MMP26: variants seen among roughly 807,000 people sequenced by gnomAD.
The protein encoded by MMP26 is matrix metalloproteinase-26.
MMP26 carries 33 observed loss-of-function variants against 31.0 expected under a neutral mutation model. The ratio of observed to expected loss-of-function variants is 1.06; its 90% CI spans 0.81 to 1.42. The LOEUF is 1.42. MMP26 is among the 40% of genes most tolerant of loss of function. MMP26 has a pLI of 0.00. For synonymous variants in MMP26, 122 were observed against 114.9 expected, an observed-to-expected ratio of 1.06 and a Z score of -0.40; for missense variants, 347 against 316.1, an observed-to-expected ratio of 1.10 and a Z score of -0.74.
At chr11:4,798,328 C>CT (rs754506501) in intron 2 of MMP26, among the ~76,000 whole-genome samples, 17 of 152,188 alleles carry the variant, frequency 1.1e-4, no homozygotes, top group Non-Finnish European at 2.1e-4. Flanking sequence ...CAGACCAAGA[C>CT]TAAACTTCAA....
chr11:4,927,892 G>A (rs896968880), intron 2 of MMP26, among the ~76,000 whole-genome samples: 1 of 152,076 alleles, frequency 6.6e-6, no homozygotes, highest in Non-Finnish European at 1.5e-5. Flanking sequence ...GGTGTTAAGA[G>A]GGGAATCTAT....
intron 2 of MMP26, among the ~76,000 whole-genome samples, chr11:4,775,927 T>A (rs1490085354): frequency 2.6e-5 from 4 of 152,082 alleles, no homozygotes; most frequent in Admixed American, 6.5e-5. Context: ...TTAAGTAATT[T>A]ATTATTATTC....
chr11:4,758,910 G>A (rs891224950), intron 1 of MMP26, among the ~76,000 whole-genome samples: 6 of 151,820 alleles, frequency 4.0e-5, no homozygotes, highest in South Asian at 2.1e-4. Context: ...TCACGAGTTC[G>A]AGACCAGCCT....
At position 4,992,206 on chromosome 11, in the gene MMP26, T is replaced by C; in HGVS notation, c.758-8T>C. On this transcript the variant is annotated splice_polypyrimidine_tract_variant and splice_region_variant and intron_variant, in intron 7 of 7. Coordinates refer to ENST00000380390, the MANE Select transcript of MMP26 (RefSeq NM_021801.5). ...ATTTACTGTTGTTTTTTTTTTCTGT[T>C]TCCATAGGAGAAAAATGTTCATCTG... 1 of 1,610,632 alleles carries C rather than the reference T, an allele frequency of 6.2e-7. No individual in the cohort carries two copies. The highest frequency in any genetic ancestry group is 1.1e-5 in the South Asian group (1 of 90,468).
At chr11:4,897,283 A>G (rs1429643792) in intron 2 of MMP26, among the ~76,000 whole-genome samples, 1 of 151,854 alleles carries the variant, frequency 6.6e-6, no homozygotes, top group Non-Finnish European at 1.5e-5. Flanking sequence ...GGGATTACAG[A>G]CACATGCCAC....
intron 2 of MMP26, chr11:4,804,015 G>A (rs1330396151): frequency 5.0e-6 from 8 of 1,613,882 alleles, no homozygotes; most frequent in South Asian, 3.3e-5. Flanking sequence ...AGCAGTCCAG[G>A]GCCATAGCCA....
chr11:4,783,545 C>T (rs66751800), intron 2 of MMP26, among the ~76,000 whole-genome samples: 14,430 of 152,058 alleles, frequency 0.095, 858 homozygotes, highest in Middle Eastern at 0.15. Context: ...TGAGTTGATG[C>T]TGAAATGAGC....
intron 1 of MMP26, among the ~76,000 whole-genome samples, chr11:4,724,619 AAAGAT>A (rs1848071119): frequency 6.6e-6 from 1 of 152,236 alleles, no homozygotes; most frequent in African/African-American, 2.4e-5. Flanking sequence ...TATAAAATCT[AAAGAT>A]AAGGTTGCTA....
chr11:4,946,401 C>G, intron 2 of MMP26: 1 of 1,613,354 alleles, frequency 6.2e-7, no homozygotes, highest in Non-Finnish European at 8.5e-7. Context: ...TTAAGCTGCT[C>G]CTTTTTGGAT....
intron 2 of MMP26, chr11:4,946,622 G>A (rs779307143): frequency 7.0e-6 from 11 of 1,572,772 alleles, no homozygotes; most frequent in East Asian, 2.2e-5. Context: ...GAAAGGGAAG[G>A]GAAGAACCAG....
At chr11:4,884,175 A>G (rs200691824) in intron 2 of MMP26, among the ~76,000 whole-genome samples, 9 of 152,134 alleles carry the variant, frequency 5.9e-5, no homozygotes, top group Non-Finnish European at 1.2e-4. Flanking sequence ...TACTCAGGTA[A>G]TTGAGATTAC....
At chr11:4,801,160 GTCT>G (rs1195145700) in intron 2 of MMP26, among the ~76,000 whole-genome samples, 6 of 152,108 alleles carry the variant, frequency 3.9e-5, no homozygotes, top group Non-Finnish European at 8.8e-5. Flanking sequence ...TTGTCTTCCT[GTCT>G]TCTTCTGAGT....
intron 2 of MMP26, among the ~76,000 whole-genome samples, chr11:4,786,197 G>A (rs1471300060): frequency 6.6e-6 from 1 of 152,128 alleles, no homozygotes; most frequent in East Asian, 1.9e-4. Flanking sequence ...GGGAAGAGGA[G>A]AGCTGAGACT....
intron 1 of MMP26, among the ~76,000 whole-genome samples, chr11:4,765,623 C>A (rs1848619062): frequency 6.6e-6 from 1 of 152,178 alleles, no homozygotes; most frequent in South Asian, 2.1e-4. Context: ...CTACTGCAAC[C>A]TGGCTTCTAT....
intron 2 of MMP26, chr11:4,822,591 T>G (rs1849525746): frequency 2.5e-6 from 1 of 402,596 alleles, no homozygotes; most frequent in Admixed American, 4.4e-5. Context: ...GAAACATATA[T>G]AAACAACTAA....
At chr11:4,932,534 C>T (rs796176246) in intron 2 of MMP26, among the ~76,000 whole-genome samples, 1 of 152,114 alleles carries the variant, frequency 6.6e-6, no homozygotes, top group Non-Finnish European at 1.5e-5. Context: ...ACTCAGCAAG[C>T]GTCAGCTACC....
intron 2 of MMP26, among the ~76,000 whole-genome samples, chr11:4,840,370 G>A (rs763004311): frequency 6.6e-6 from 1 of 152,206 alleles, no homozygotes; most frequent in Non-Finnish European, 1.5e-5. Context: ...GGCCTTGGGT[G>A]AGATCCAGTG....
chr11:4,984,258 C>T (rs1295610275), intron 2 of MMP26, among the ~76,000 whole-genome samples: 1 of 152,162 alleles, frequency 6.6e-6, no homozygotes, highest in Non-Finnish European at 1.5e-5. Context: ...CTATACATAA[C>T]TTTGAGCATT....
chr11:4,738,676 A>T (rs1327195622), intron 1 of MMP26, among the ~76,000 whole-genome samples: 1 of 152,222 alleles, frequency 6.6e-6, no homozygotes, highest in Non-Finnish European at 1.5e-5. Context: ...TACAGAAATA[A>T]ATAGCCTTTT....
Sources: gnomAD v4.1 joint callset for allele counts (sites outside exome capture counted in the v4.1 genomes callset) on GRCh38, gnomAD v4.1.1 for gene constraint, MANE v1.5 for transcripts, NCBI Gene and HGNC (gene_info 2026-07-23, HGNC 2026-07-21) for gene names.